Variants in CCDC83 observed in about 807,000 individuals in gnomAD.
The protein encoded by CCDC83 is coiled-coil domain containing 83.
CCDC83 carries 54 observed loss-of-function variants against 50.1 expected under a neutral mutation model. The observed-to-expected ratio is 1.08, with a 90% CI of 0.87 to 1.35. The LOEUF is 1.35. Ranked by LOEUF, CCDC83 falls within the 40% of genes most tolerant of loss-of-function variation. The probability of loss-of-function intolerance (pLI) is 0.00; values close to 1 mark genes in which losing one functional copy is unlikely to be tolerated. For synonymous variants in CCDC83, 161 were observed against 153.3 expected (o/e 1.05, Z -0.37); for missense variants, 518 against 473.9 (o/e 1.09, Z -0.86).
intron 2 of CCDC83, among the ~76,000 whole-genome samples, chr11:85,871,136 C>T (rs1399524106): frequency 1.3e-5 from 2 of 152,140 alleles, no homozygotes; most frequent in Non-Finnish European, 2.9e-5. Flanking sequence ...TGCTGCACTC[C>T]AGCCTAGGTG....
intron 2 of CCDC83, among the ~76,000 whole-genome samples, 153 bp from the exon 3 acceptor site, chr11:85,873,058 T>C (rs1428572397): frequency 1.3e-5 from 2 of 151,996 alleles, no homozygotes; most frequent in Admixed American, 6.6e-5. Flanking sequence ...GTGAGTAAAA[T>C]AGATTCAGAA....
At chr11:85,887,994 T>A (rs978413702) in intron 5 of CCDC83, among the ~76,000 whole-genome samples, 4 of 152,096 alleles carry the variant, frequency 2.6e-5, no homozygotes, top group African/African-American at 9.7e-5. Context: ...TGTAGAGGTC[T>A]CACTGTGTTT....
intron 10 of CCDC83, among the ~76,000 whole-genome samples, chr11:85,917,331 C>G (rs1021715165): frequency 7.2e-5 from 11 of 151,980 alleles, no homozygotes; most frequent in Non-Finnish European, 1.6e-4. Flanking sequence ...TATGGCTTAG[C>G]CTTGGAAATC....
intron 10 of CCDC83, among the ~76,000 whole-genome samples, chr11:85,917,169 A>AGAGAGAGAGAG (rs759852369): frequency 2.2e-5 from 2 of 90,164 alleles, no homozygotes; most frequent in African/African-American, 8.8e-5. Context: ...AGAGAGAGAG[A>AGAGAGAGAGAG]AAGAAAGAAA....
Position 85,855,556 on chromosome 11 carries a change from T to C in CCDC83, c.-57T>C, listed in dbSNP as rs1457636635. On this transcript the variant is annotated 5_prime_UTR_variant, in exon 1 of 11. Coordinates refer to ENST00000342404, the MANE Select transcript of CCDC83 (RefSeq NM_001286159.2). ...ACCCCTGGATACATTATTTGCCCTC[T>C]CGAAAGGCAGGCTCTGAATTTGATT... 1 of 152,422 alleles carries C rather than the reference T, an allele frequency of 6.6e-6. No homozygotes were observed. The highest frequency in any genetic ancestry group is 1.5e-5 in the Non-Finnish European group (1 of 68,176). 9.4% of individuals were successfully genotyped at this position (152,422 alleles called of 1,614,324 possible).
Position 85,885,317 on chromosome 11 carries a change from G to A in CCDC83, c.344-883G>A, listed in dbSNP as rs184536402. On this transcript the variant is annotated intron_variant, in intron 4 of 10. Transcript: ENST00000342404. Reference sequence around the variant, plus strand: ...AATATCACCCTGGCCTGATTGAAATGCTTCAGTCATTCAACAGACATTTAT... The same window carrying A: ...AATATCACCCTGGCCTGATTGAAATACTTCAGTCATTCAACAGACATTTAT... 4.6e-5 allele frequency among the ~76,000 whole-genome samples: 7 copies of A among 152,274 alleles called. No homozygotes were observed. In the East Asian group the frequency reaches 1.3e-3, roughly 29 times the overall value.
chr11:85,881,235 T>C (rs1221428592), intron 3 of CCDC83, among the ~76,000 whole-genome samples: 1 of 151,872 alleles, frequency 6.6e-6, no homozygotes, highest in Admixed American at 6.6e-5. Context: ...TAGCCAGGTA[T>C]GGTGGTGGGC....
At chr11:85,919,260 G>C in intron 10 of CCDC83, 89 bp from the exon 11 acceptor site, 1 of 1,243,052 alleles carries the variant, frequency 8.0e-7, no homozygotes, top group Non-Finnish European at 1.1e-6. Flanking sequence ...GTCAGATAAA[G>C]GCCAACTGTA....
chr11:85,874,461 T>TA (rs775409670), intron 3 of CCDC83, among the ~76,000 whole-genome samples: 26 of 152,198 alleles, frequency 1.7e-4, no homozygotes, highest in Non-Finnish European at 7.3e-5. Flanking sequence ...CAGAAATAGT[T>TA]AAAGTTCTTG....
chr11:85,910,230 T>C (rs2093447137), intron 7 of CCDC83, among the ~76,000 whole-genome samples: 1 of 152,222 alleles, frequency 6.6e-6, no homozygotes, highest in Non-Finnish European at 1.5e-5. Flanking sequence ...GCTTCCATTA[T>C]GGTTATTATC....
At chr11:85,919,272 T>A in intron 10 of CCDC83, 77 bp from the exon 11 acceptor site, 1 of 1,371,152 alleles carries the variant, frequency 7.3e-7, no homozygotes, top group South Asian at 1.4e-5. Context: ...CCAACTGTAA[T>A]AAAGAAAGCC....
intron 7 of CCDC83, among the ~76,000 whole-genome samples, chr11:85,902,020 C>T (rs2093404762): frequency 6.6e-6 from 1 of 150,980 alleles, no homozygotes; most frequent in Non-Finnish European, 1.5e-5. Flanking sequence ...GACAGACTGT[C>T]TCAAAGAAAG....
rs759495617 is a variant in CCDC83 at position 85,919,449 on chromosome 11, A to G, written c.1181A>G (p.Tyr394Cys). The G allele has an allele frequency of 1.9e-5, 30 of 1,613,010 alleles. No homozygotes were observed. The South Asian group carries it at 3.0e-4, about 16-fold the overall frequency. ...GAGAAGGAAATTCCAGTCAAACTCT[A>G]TAAAGATGTCAGGAGCCCAGAAAGC... ...FQEKEIPVKL[Y>C]KDVRSPESHI... The change falls in exon 11 of 11, where the codon TAT becomes TGT. Residue 394 changes from tyrosine (Y) to cysteine (C), a missense_variant. Coordinates refer to ENST00000342404, the MANE Select transcript of CCDC83 (RefSeq NM_001286159.2).
intron 10 of CCDC83, among the ~76,000 whole-genome samples, chr11:85,918,609 C>A (rs530145491): frequency 6.6e-6 from 1 of 152,086 alleles, no homozygotes; most frequent in African/African-American, 2.4e-5. Context: ...TGAGACAGGT[C>A]TCAATCAATT....
chr11:85,864,211 C>G (rs1479573842), intron 1 of CCDC83, among the ~76,000 whole-genome samples: 1 of 152,184 alleles, frequency 6.6e-6, no homozygotes, highest in East Asian at 1.9e-4. Flanking sequence ...TATCCTCACC[C>G]TCATGAGAGT....
chr11:85,872,321 C>T (rs1036437619), intron 2 of CCDC83, among the ~76,000 whole-genome samples: 12 of 151,416 alleles, frequency 7.9e-5, no homozygotes, highest in Non-Finnish European at 1.2e-4. Flanking sequence ...TCCGTCTCTA[C>T]AAAAAATAGA....
rs1017702972 is a variant in CCDC83 at position 85,868,803 on chromosome 11, C to T, written c.95+3585C>T. 7.2e-5 allele frequency among the ~76,000 whole-genome samples: 11 copies of T among 152,346 alleles called. 1 individual carries two copies. The highest frequency in any genetic ancestry group is 1.2e-4 in the African/African-American group (5 of 41,574). On this transcript the variant is annotated intron_variant, in intron 2 of 10. Transcript: ENST00000342404. ...TTAGGATTACAGGCGTGAGCCACTG[C>T]GCCCAGCCCAGATTTGTGTTTTTAT...
At chr11:85,887,717 T>G (rs140406057) in intron 5 of CCDC83, among the ~76,000 whole-genome samples, 15 of 152,094 alleles carry the variant, frequency 9.9e-5, no homozygotes, top group African/African-American at 3.6e-4. Context: ...TTACTTGCTT[T>G]TCATGTAACA....
Position 85,886,346 on chromosome 11 carries a change from G to T in CCDC83, c.490G>T (p.Glu164Ter). The change falls in exon 5 of 11, where the codon GAG (glutamate) becomes TAG (stop). Residue 164 changes from glutamate (E) to a stop codon, truncating the protein, a stop_gained. Coordinates refer to ENST00000342404, the MANE Select transcript of CCDC83 (RefSeq NM_001286159.2). LOFTEE classifies it high-confidence loss of function. The part of the protein sequence containing the change: ...SLQNDINTVK[E>*]NAEKMSEHYK... ...ACAAAATGACATCAACACAGTTAAAGAGAATGCAGAGAAAATGTCAGGTCA... is the reference window on the plus strand; with the variant it reads ...ACAAAATGACATCAACACAGTTAAATAGAATGCAGAGAAAATGTCAGGTCA... 1 of 1,591,424 alleles carries T rather than the reference G, an allele frequency of 6.3e-7. No individual in the cohort carries two copies. Among genetic ancestry groups the T allele is most frequent in the Non-Finnish European group, 8.5e-7 (1 of 1,172,412 alleles).
Sources: gnomAD v4.1 joint callset for allele counts (sites outside exome capture counted in the v4.1 genomes callset) on GRCh38, gnomAD v4.1.1 for gene constraint, MANE v1.5 for transcripts, NCBI Gene and HGNC (gene_info 2026-07-23, HGNC 2026-07-21) for gene names.